The following OPHN1 variants were observed in gnomAD, a reference collection of about 807,000 sequenced individuals.
OPHN1 encodes the protein oligophrenin-1.
In OPHN1, 11 loss-of-function variants were observed where a neutral mutation model predicts 60.7. That is an observed-to-expected ratio of 0.18 (90% CI 0.11 to 0.30). OPHN1 has a LOEUF of 0.30. OPHN1 is among the 10% of genes least tolerant of loss of function. The probability of loss-of-function intolerance (pLI) is 1.00; values close to 1 mark genes in which losing one functional copy is unlikely to be tolerated. For missense variants in OPHN1, 449 were observed against 611.0 expected, an observed-to-expected ratio of 0.73 and a Z score of 2.80; for synonymous variants, 226 against 222.6, an observed-to-expected ratio of 1.02 and a Z score of -0.14.
chrX:68,115,601 T>TTG (rs1368950494), intron 16 of OPHN1, among the ~76,000 whole-genome samples: 1 of 112,072 alleles, frequency 8.9e-6, no homozygotes, highest in Non-Finnish European at 1.9e-5. Flanking sequence ...CAACTGTGCT[T>TTG]TGTGTGCAGC....
intron 4 of OPHN1, among the ~76,000 whole-genome samples, chrX:68,278,256 G>A (rs778336679): frequency 8.9e-6 from 1 of 112,130 alleles, no homozygotes; most frequent in Non-Finnish European, 1.9e-5. Flanking sequence ...GTCACATTGA[G>A]GATTTCCTCT....
At position 68,201,688 on chromosome X, in the gene OPHN1, T is replaced by C. The variant is rs1407989673; in HGVS notation, c.956A>G (p.Lys319Arg). The C allele has an allele frequency of 8.3e-7, 1 of 1,209,288 alleles. No homozygotes were observed. Among genetic ancestry groups the C allele is most frequent in the South Asian group, 1.8e-5 (1 of 56,917 alleles). ...CTCCGTCTTCCTTCTCACACAGTAC[T>C]TCAGTGTTAAGTCCAAGGGCCCCTG... Reference protein sequence around the residue: ...AKQGPLDLTLKYCVRRKTESI... With the variant: ...AKQGPLDLTLRYCVRRKTESI... Residue 319 changes from lysine to arginine, a missense_variant, in exon 11 of 25, where the codon AAG becomes AGG. Physicochemically the swap from Lys to Arg is conservative, Grantham distance 26. Around this residue, in one of 4 missense-constraint regions of OPHN1, gnomAD observed 166 missense variants for 278.4 expected, o/e 0.60. Coordinates refer to ENST00000355520, the MANE Select transcript of OPHN1 (RefSeq NM_002547.3).
At chrX:68,342,362 A>G (rs2078357350) in intron 2 of OPHN1, among the ~76,000 whole-genome samples, 1 of 111,520 alleles carries the variant, frequency 9.0e-6, no homozygotes, top group Admixed American at 9.7e-5. Flanking sequence ...CAAAAATGTA[A>G]TATGTTATTT....
rs1349172673 is a variant in OPHN1 at position 68,043,295 on chromosome X, G to A, written c.*3877C>T. 8 of 76,098 alleles carry A rather than the reference G, an allele frequency of 1.1e-4. No homozygotes were observed. Among genetic ancestry groups the A allele is most frequent in the Non-Finnish European group, 1.4e-4 (6 of 41,389 alleles). 6.3% of individuals were successfully genotyped at this position (76,098 alleles called of 1,213,427 possible). On this transcript the variant is annotated 3_prime_UTR_variant, in exon 25 of 25. Transcript: ENST00000355520. ...TAGATGACACATTAGTGGGTGCAGC[G>A]CACCAGCATGGCACATGTATACATA...
At chrX:68,223,759 T>G (rs868145508) in intron 6 of OPHN1, among the ~76,000 whole-genome samples, 1 of 111,442 alleles carries the variant, frequency 9.0e-6, no homozygotes, top group African/African-American at 3.3e-5. Flanking sequence ...GAAAGATATA[T>G]CATGCTAACA....
chrX:68,311,080 A>C (rs1820569104), intron 2 of OPHN1, among the ~76,000 whole-genome samples: 1 of 109,451 alleles, frequency 9.1e-6, no homozygotes, highest in Non-Finnish European at 1.9e-5. Context: ...CATTGTGAGA[A>C]GTTGTCTCTA....
At chrX:68,158,337 G>A (rs2077319257) in intron 15 of OPHN1, among the ~76,000 whole-genome samples, 1 of 112,068 alleles carries the variant, frequency 8.9e-6, no homozygotes, top group South Asian at 3.7e-4. Context: ...CAAAATATAA[G>A]CAACTGTGTA....
At chrX:68,256,053 G>A (rs1015235696) in intron 5 of OPHN1, among the ~76,000 whole-genome samples, 1 of 110,456 alleles carries the variant, frequency 9.1e-6, no homozygotes, top group Admixed American at 9.7e-5. Flanking sequence ...AGAGAGAGGG[G>A]GGTCTCCAAA....
intron 5 of OPHN1, among the ~76,000 whole-genome samples, chrX:68,239,655 T>C (rs1276075619): frequency 9.0e-6 from 1 of 111,689 alleles, no homozygotes; most frequent in Non-Finnish European, 1.9e-5. Flanking sequence ...AATTTCTTAT[T>C]AGTCCTTATA....
chrX:68,159,057 C>G, intron 15 of OPHN1, among the ~76,000 whole-genome samples: 1 of 111,331 alleles, frequency 9.0e-6, no homozygotes, highest in African/African-American at 3.3e-5. Flanking sequence ...GTCCCCACCC[C>G]TACCTCCCAA....
chrX:68,219,322 T>A (rs1255851475), intron 6 of OPHN1, among the ~76,000 whole-genome samples: 1 of 85,989 alleles, frequency 1.2e-5, no homozygotes, highest in Non-Finnish European at 2.3e-5. Flanking sequence ...CTCCCACACA[T>A]TAATAATGGG....
At chrX:68,208,517 T>C (rs1477666023) in intron 9 of OPHN1, among the ~76,000 whole-genome samples, 1 of 112,262 alleles carries the variant, frequency 8.9e-6, no homozygotes, top group African/African-American at 3.2e-5. Flanking sequence ...ATTATAATTA[T>C]TGATATACTT....
chrX:68,338,371 G>T (rs1249861914), intron 2 of OPHN1, among the ~76,000 whole-genome samples: 1 of 111,843 alleles, frequency 8.9e-6, no homozygotes, highest in African/African-American at 3.2e-5. Flanking sequence ...CAATAAATTT[G>T]AAAGAACTGA....
At chrX:68,395,823 C>T (rs1048122266) in intron 2 of OPHN1, among the ~76,000 whole-genome samples, 1 of 110,457 alleles carries the variant, frequency 9.1e-6, no homozygotes, top group Non-Finnish European at 1.9e-5. Flanking sequence ...TGGGCTCAAG[C>T]GATCCTCTTA....
chrX:68,249,007 C>T (rs888955703), intron 5 of OPHN1, among the ~76,000 whole-genome samples: 7 of 111,189 alleles, frequency 6.3e-5, no homozygotes, highest in African/African-American at 1.3e-4. Context: ...AAAATTAGAA[C>T]GAATGAATAA....
chrX:68,416,032 TAA>T (rs1491214518), intron 2 of OPHN1, among the ~76,000 whole-genome samples: 11 of 27,724 alleles, frequency 4.0e-4, no homozygotes, highest in African/African-American at 1.2e-3. Flanking sequence ...AAAAATTATA[TAA>T]TATATATATA....
intron 2 of OPHN1, among the ~76,000 whole-genome samples, chrX:68,309,376 G>T (rs1282577831): frequency 9.0e-6 from 1 of 111,149 alleles, no homozygotes; most frequent in African/African-American, 3.3e-5. Flanking sequence ...TAAAAATACT[G>T]GGTAAAAGGG....
Position 68,119,144 on chromosome X carries a change from A to C in OPHN1, c.1361+104T>G. 5.2e-6 allele frequency: 3 copies of C among 579,834 alleles called. No homozygotes were observed. In the South Asian group the frequency reaches 7.4e-5, roughly 14 times the overall value. 47.8% of individuals were successfully genotyped at this position (579,834 alleles called of 1,213,427 possible). On this transcript the variant is annotated intron_variant, in intron 16 of 24. Coordinates refer to ENST00000355520, the MANE Select transcript of OPHN1 (RefSeq NM_002547.3). Reference sequence around the variant, plus strand: ...CTCTTCACATGTTTTTTCTTAAGCAATTCTATCCAAACTCCTGGAACTGAG... The same window carrying C: ...CTCTTCACATGTTTTTTCTTAAGCACTTCTATCCAAACTCCTGGAACTGAG...
At chrX:68,393,176 A>G in intron 2 of OPHN1, among the ~76,000 whole-genome samples, 1 of 112,398 alleles carries the variant, frequency 8.9e-6, no homozygotes, top group Middle Eastern at 4.6e-3. Context: ...GATGAGCCAC[A>G]CCTCTGTTGC....
Sources: allele counts gnomAD v4.1 joint callset (sites outside exome capture counted in the v4.1 genomes callset), GRCh38; gene constraint gnomAD v4.1.1; regional missense constraint gnomAD v4.1.1; transcripts MANE v1.5; gene names NCBI Gene and HGNC (gene_info 2026-07-23, HGNC 2026-07-21).